ALG9: variants seen among roughly 807,000 people sequenced by gnomAD.
The protein encoded by ALG9 is ALG9 alpha-1,2-mannosyltransferase.
In ALG9, 55 loss-of-function variants were observed where a neutral mutation model predicts 81.8. The ratio of observed to expected loss-of-function variants is 0.67; its 90% CI spans 0.54 to 0.84. ALG9 has a LOEUF of 0.84. ALG9 is among the 40% of genes least tolerant of loss of function. The pLI is 0.00. For synonymous variants in ALG9, 278 were observed against 274.3 expected (o/e 1.01, Z -0.13); for missense variants, 629 against 745.0 (o/e 0.84, Z 1.81).
intron 8 of ALG9, chr11:111,845,464 A>G (rs1261342065): frequency 1.3e-5 from 2 of 152,206 alleles, no homozygotes; most frequent in African/African-American, 2.4e-5. Flanking sequence ...ATAAAGCAAC[A>G]ACCCGTTTTT....
At chr11:111,840,541 G>T in intron 10 of ALG9, 114 bp downstream of exon 10, 1 of 1,268,508 alleles carries the variant, frequency 7.9e-7, no homozygotes, top group Non-Finnish European at 1.1e-6. Flanking sequence ...CAGGTTTAAT[G>T]TTATGGATAA....
At chr11:111,834,334 G>A (rs1555115597) in intron 13 of ALG9, among the ~76,000 whole-genome samples, 2 of 152,128 alleles carry the variant, frequency 1.3e-5, no homozygotes, top group Non-Finnish European at 2.9e-5. Flanking sequence ...GCAATGATGA[G>A]TCTGGAGACA....
In ALG9 at chr11:111,837,549, G is replaced by A. The variant is rs1254646033; in HGVS notation, c.1391C>T (p.Thr464Ile). 2 of 1,613,988 alleles carry A rather than the reference G, an allele frequency of 1.2e-6. No individual in the cohort carries two copies. Among genetic ancestry groups the A allele is most frequent in the Non-Finnish European group, 1.7e-6 (2 of 1,179,954 alleles). Residue 464 changes from threonine to isoleucine, a missense_variant, in exon 12 of 15, where the codon ACT (threonine) becomes ATT (isoleucine). Thr to Ile is a moderately conservative substitution (Grantham distance 89). Around this residue, in one of 3 missense-constraint regions of ALG9, gnomAD observed 264 missense variants for 302.2 expected, o/e 0.87. Coordinates refer to ENST00000616540, the MANE Select transcript of ALG9 (RefSeq NM_024740.2). ...YRIATDPTIH[T>I]VPEGRPVNVC... ...ATTCACAGGTCTGCCTTCTGGGACA[G>A]TGTGGATGGTTGGGTCTGTAGCAAT...
intron 13 of ALG9, among the ~76,000 whole-genome samples, chr11:111,824,159 A>T (rs1369992980): frequency 6.6e-6 from 1 of 152,258 alleles, no homozygotes; most frequent in African/African-American, 2.4e-5. Flanking sequence ...TTCTTTCATA[A>T]ATCGGACTTT....
At chr11:111,850,921 A>G (rs186097137) in intron 8 of ALG9, among the ~76,000 whole-genome samples, 1 of 152,196 alleles carries the variant, frequency 6.6e-6, no homozygotes, top group Admixed American at 6.5e-5. Context: ...CTGTACATCC[A>G]AAATAGCAAA....
chr11:111,850,255 A>G (rs1175935901), intron 8 of ALG9, among the ~76,000 whole-genome samples: 1 of 152,172 alleles, frequency 6.6e-6, no homozygotes, highest in Non-Finnish European at 1.5e-5. Flanking sequence ...ATGACACACT[A>G]ATGTAACCCA....
intron 3 of ALG9, among the ~76,000 whole-genome samples, chr11:111,865,989 C>T (rs1157450955): frequency 6.6e-6 from 1 of 152,034 alleles, no homozygotes; most frequent in Non-Finnish European, 1.5e-5. Flanking sequence ...AGAACTTAAA[C>T]ACTACTTAAT....
chr11:111,844,444 A>T (rs1469639126), intron 9 of ALG9, among the ~76,000 whole-genome samples, 157 bp downstream of exon 9: 1 of 152,252 alleles, frequency 6.6e-6, no homozygotes, highest in Non-Finnish European at 1.5e-5. Flanking sequence ...ACAAGGGTTC[A>T]ATGGATCAAC....
At chr11:111,871,156 A>T (rs1472382683) in intron 1 of ALG9, 196 bp downstream of exon 1, 27 of 1,278,510 alleles carry the variant, frequency 2.1e-5, no homozygotes, top group Non-Finnish European at 2.6e-5. Flanking sequence ...AGCGCAGTGG[A>T]GGGATCTAAG....
In ALG9 at chr11:111,868,644, G is replaced by A; in HGVS notation, c.363C>T (p.Ala121=). Residue 121 remains alanine (A), a synonymous_variant, in exon 3 of 15, where the codon GCC becomes GCT. Coordinates refer to ENST00000616540, the MANE Select transcript of ALG9 (RefSeq NM_024740.2). ...IRSYAYLLLH[A]WPAAFHARIL... The stretch of plus-strand genomic sequence containing the variant: ...TTCTTGCATGAAATGCAGCTGGCCA[G>A]GCATGAAGCAACAGGTAAGCATAGG... 2 of 1,614,008 alleles carry A rather than the reference G, an allele frequency of 1.2e-6. No homozygotes were observed. Among genetic ancestry groups the A allele is most frequent in the Non-Finnish European group, 1.7e-6 (2 of 1,179,900 alleles).
At chr11:111,826,905 T>C (rs1953412922) in intron 13 of ALG9, among the ~76,000 whole-genome samples, 1 of 152,216 alleles carries the variant, frequency 6.6e-6, no homozygotes, top group South Asian at 2.1e-4. Context: ...TTGATTTGTT[T>C]TGTATTATTA....
chr11:111,794,498 C>T (rs1320741295), intron 14 of ALG9, among the ~76,000 whole-genome samples: 2 of 152,130 alleles, frequency 1.3e-5, no homozygotes, highest in African/African-American at 4.8e-5. Flanking sequence ...ACTATGTTGC[C>T]CAGGATGGTC....
At chr11:111,811,960 T>C (rs1950784878) in intron 13 of ALG9, among the ~76,000 whole-genome samples, 1 of 152,178 alleles carries the variant, frequency 6.6e-6, no homozygotes, top group African/African-American at 2.4e-5. Flanking sequence ...AGCCATTGAA[T>C]TGTATGCTTT....
chr11:111,780,086 T>G (rs1591735530), downstream of ALG9, among the ~76,000 whole-genome samples: 2 of 152,276 alleles, frequency 1.3e-5, no homozygotes, highest in Admixed American at 6.5e-5. Flanking sequence ...GCAGCCAGAC[T>G]TCCTTTTCCT....
chr11:111,776,389 A>C, the ALG9 span, among the ~76,000 whole-genome samples: 1 of 152,166 alleles, frequency 6.6e-6, no homozygotes, highest in Non-Finnish European at 1.5e-5. Flanking sequence ...CAGGAGTTTG[A>C]GACCAGCCTG....
chr11:111,834,010 A>G (rs782650648), intron 13 of ALG9, among the ~76,000 whole-genome samples: 11 of 152,230 alleles, frequency 7.2e-5, no homozygotes, highest in Non-Finnish European at 1.6e-4. Flanking sequence ...GTAAAAGTGA[A>G]CTACTGGGTA....
chr11:111,798,673 T>A (rs1209058634), intron 14 of ALG9, among the ~76,000 whole-genome samples: 1 of 152,252 alleles, frequency 6.6e-6, no homozygotes, highest in African/African-American at 2.4e-5. Flanking sequence ...TAAAAAGTGA[T>A]ATTGTCAAAT....
chr11:111,786,414 T>C lies in ALG9; in HGVS notation c.1840A>G (p.Lys614Glu). The change falls in exon 15 of 15, where the codon AAG becomes GAG. Residue 614 changes from lysine to glutamate, a missense_variant. Physicochemically the swap from Lys to Glu is moderately conservative, Grantham distance 56. Transcript: ENST00000616540. ...LKPRKAKQIRKKSGG is the reference protein window; with the variant it reads ...LKPRKAKQIREKSGG ...GTGTGTTGCTAACCTCCACTTTTCT[T>C]CCTGATTTGCTTTGCTTTCCGGGGT... The C allele has an allele frequency of 6.2e-7, 1 of 1,614,084 alleles. No individual in the cohort carries two copies. The highest frequency in any genetic ancestry group is 8.5e-7 in the Non-Finnish European group (1 of 1,179,972).
chr11:111,773,075 T>TA, the ALG9 span, among the ~76,000 whole-genome samples: 193 of 143,854 alleles, frequency 1.3e-3, no homozygotes, highest in African/African-American at 3.4e-3. Context: ...CCTCTCTACT[T>TA]AAAAAAAAAA....
Sources: gnomAD v4.1 joint callset for allele counts (sites outside exome capture counted in the v4.1 genomes callset) on GRCh38, gnomAD v4.1.1 for gene constraint, gnomAD v4.1.1 regional missense constraint, MANE v1.5 for transcripts, NCBI Gene and HGNC (gene_info 2026-07-23, HGNC 2026-07-21) for gene names.